ATP10B: variants seen among roughly 807,000 people sequenced by gnomAD.
The protein encoded by ATP10B is ATPase phospholipid transporting 10B (putative), also known as phospholipid-transporting ATPase VB.
ATP10B carries 122 observed loss-of-function variants against 141.2 expected under a neutral mutation model. The ratio of observed to expected loss-of-function variants is 0.86; its 90% confidence interval spans 0.75 to 1.00. ATP10B has a LOEUF of 1.00. Ranked by LOEUF, ATP10B falls within the 50% of genes least tolerant of loss-of-function variation. The pLI, the probability that ATP10B is intolerant of heterozygous loss-of-function variation, is 0.00. For synonymous variants in ATP10B, 685 were observed against 692.0 expected (o/e 0.99, Z 0.16); for missense variants, 1,876 against 1,825.3 (o/e 1.03, Z -0.51).
At chr5:160,734,212 A>T (rs1448855778) in intron 2 of ATP10B, among the ~76,000 whole-genome samples, 4 of 152,070 alleles carry the variant, frequency 2.6e-5, no homozygotes, top group African/African-American at 9.7e-5. Context: ...CCTGCACTAC[A>T]AGAAATGCTA....
At chr5:160,655,149 A>G (rs866904382) in intron 7 of ATP10B, among the ~76,000 whole-genome samples, 1 of 152,236 alleles carries the variant, frequency 6.6e-6, no homozygotes, top group African/African-American at 2.4e-5. Flanking sequence ...CAAAAATTAT[A>G]ATGAATAAGC....
chr5:160,896,809 C>G, the ATP10B span, among the ~76,000 whole-genome samples: 1 of 152,172 alleles, frequency 6.6e-6, no homozygotes, highest in African/African-American at 2.4e-5. Flanking sequence ...TACTGGGAAA[C>G]TGAATCCAGC....
rs561420272 is a variant in ATP10B, at chr5:160,563,704, T to A, written c.*1749A>T. Reference sequence around the variant, plus strand: ...TAGAGAGCAAGGATTCAAACTCAGATCTCCTGAGGCCACTGTTCTGTTCTT... The same window carrying A: ...TAGAGAGCAAGGATTCAAACTCAGAACTCCTGAGGCCACTGTTCTGTTCTT... On this transcript the variant is annotated 3_prime_UTR_variant, in exon 26 of 26. Coordinates refer to ENST00000327245, the MANE Select transcript of ATP10B (RefSeq NM_025153.3). 1 of 152,274 alleles carries A rather than the reference T, an allele frequency of 6.6e-6. No individual in the cohort carries two copies. The highest frequency in any genetic ancestry group is 2.1e-4 in the South Asian group (1 of 4,824). 9.4% of individuals were successfully genotyped at this position (152,274 alleles called of 1,614,324 possible).
intron 2 of ATP10B, among the ~76,000 whole-genome samples, chr5:160,729,009 T>A (rs1462086955): frequency 6.6e-6 from 1 of 152,186 alleles, no homozygotes; most frequent in Non-Finnish European, 1.5e-5. Flanking sequence ...AGCTCCCTGA[T>A]CCTTGTCTCA....
chr5:160,788,746 G>A (rs578182117), intron 1 of ATP10B, among the ~76,000 whole-genome samples: 2 of 152,226 alleles, frequency 1.3e-5, no homozygotes, highest in South Asian at 4.1e-4. Context: ...GCTACAGTGG[G>A]TAAGGCACTG....
intron 2 of ATP10B, among the ~76,000 whole-genome samples, chr5:160,784,147 C>T (rs566317149): frequency 1.4e-4 from 22 of 152,204 alleles, no homozygotes; most frequent in Middle Eastern, 6.8e-3. Context: ...CTTTCTGAAA[C>T]TCTTGGATTA....
At chr5:160,618,091 C>T (rs1758127307) in intron 15 of ATP10B, 118 bp from the exon 16 acceptor site, 1 of 822,162 alleles carries the variant, frequency 1.2e-6, no homozygotes, top group South Asian at 1.5e-5. Flanking sequence ...GAATCCCTTA[C>T]AGCCCACCTT....
chr5:160,603,480 G>A (rs1297032213), intron 20 of ATP10B: 1 of 164,256 alleles, frequency 6.1e-6, no homozygotes. Context: ...TAGTTAGTGT[G>A]TTCTATGTGT....
the ATP10B span, among the ~76,000 whole-genome samples, chr5:160,884,958 C>T: frequency 1.1e-4 from 16 of 152,292 alleles, no homozygotes; most frequent in African/African-American, 3.8e-4. Flanking sequence ...ACCCAGGAAT[C>T]CAACAAATCT....
the ATP10B span, among the ~76,000 whole-genome samples, chr5:160,873,538 G>A: frequency 6.6e-6 from 1 of 152,342 alleles, no homozygotes; most frequent in Middle Eastern, 3.4e-3. Flanking sequence ...GAGCCAAGTT[G>A]GCCGAATAGG....
the ATP10B span, among the ~76,000 whole-genome samples, chr5:160,894,906 T>A: frequency 2.0e-5 from 3 of 152,202 alleles, no homozygotes; most frequent in African/African-American, 2.4e-5. Flanking sequence ...TATTCAACAT[T>A]CTTAAGGAAA....
In ATP10B at chr5:160,791,534, G is replaced by A. The variant is rs565323490; in HGVS notation, c.-575-5731C>T. Reference sequence around the variant, plus strand: ...CCTTCCACCATGGTGGTTCTATGGTGTCACCAGGAAAGAAGGATGATTCTG... The same window carrying A: ...CCTTCCACCATGGTGGTTCTATGGTATCACCAGGAAAGAAGGATGATTCTG... On this transcript the variant is annotated intron_variant, in intron 1 of 25. Coordinates refer to ENST00000327245, the MANE Select transcript of ATP10B (RefSeq NM_025153.3). 3.3e-4 allele frequency among the ~76,000 whole-genome samples: 51 copies of A among 152,252 alleles called. 2 individuals are homozygous for A. The South Asian group carries it at 9.1e-3, about 27-fold the overall frequency.
chr5:160,885,450 G>A, the ATP10B span, among the ~76,000 whole-genome samples: 3 of 152,226 alleles, frequency 2.0e-5, no homozygotes, highest in Admixed American at 1.3e-4. Flanking sequence ...AATGGACCCA[G>A]AAATAACTTT....
At chr5:160,733,635 AAC>A (rs1312001380) in intron 2 of ATP10B, among the ~76,000 whole-genome samples, 4 of 151,408 alleles carry the variant, frequency 2.6e-5, no homozygotes, top group Admixed American at 6.6e-5. Context: ...ACATATATGT[AAC>A]ACATATGTGT....
Position 160,688,028 on chromosome 5 carries a change from A to C in ATP10B, c.47T>G (p.Val16Gly). ...DSSWHRWQWR[V>G]RDGFPHCPSE... ...TGGACAATGGGGGAAGCCATCTCTG[A>C]CTCTCCACTGCCACCGATGCCACGA... The change falls in exon 5 of 26, where the codon GTC becomes GGC. Residue 16 changes from valine (V) to glycine (G), a missense_variant. Transcript: ENST00000327245. 9 of 1,613,262 alleles carry C rather than the reference A, an allele frequency of 5.6e-6. No homozygotes were observed. The highest frequency in any genetic ancestry group is 6.8e-6 in the Non-Finnish European group (8 of 1,179,868).
chr5:160,891,200 C>A, the ATP10B span, among the ~76,000 whole-genome samples: 1 of 152,158 alleles, frequency 6.6e-6, no homozygotes, highest in Non-Finnish European at 1.5e-5. Context: ...TGCTTCTTTG[C>A]CAACATTCTG....
intron 24 of ATP10B, among the ~76,000 whole-genome samples, chr5:160,570,474 G>A (rs1008407663): frequency 6.6e-6 from 1 of 152,072 alleles, no homozygotes; most frequent in African/African-American, 2.4e-5. Context: ...GTCTAAACAA[G>A]CAAATGTACT....
chr5:160,687,817 G>C lies in ATP10B; in HGVS notation c.258C>G (p.Leu86=). ...YTLFTFLPRN[L]FEQFHRWANL... ...ATCTCTACCTATGAAATTGCTCAAA[G>C]AGATTCCGGGGCAGGAAGGTGAAGA... Residue 86 remains leucine, a synonymous_variant, in exon 5 of 26, where the codon CTC becomes CTG. Transcript: ENST00000327245. 2 of 1,613,904 alleles carry C rather than the reference G, an allele frequency of 1.2e-6. No homozygotes were observed. Among genetic ancestry groups the C allele is most frequent in the Non-Finnish European group, 1.7e-6 (2 of 1,179,886 alleles).
At chr5:160,654,716 A>G (rs1263637372) in intron 7 of ATP10B, among the ~76,000 whole-genome samples, 1 of 149,334 alleles carries the variant, frequency 6.7e-6, no homozygotes, top group Non-Finnish European at 1.5e-5. Context: ...CATCATCATC[A>G]TCATCACCTT....
Sources: allele counts gnomAD v4.1 joint callset (sites outside exome capture counted in the v4.1 genomes callset), GRCh38; gene constraint gnomAD v4.1.1; transcripts MANE v1.5; gene names NCBI Gene and HGNC (gene_info 2026-07-23, HGNC 2026-07-21).